DAAM2: variants seen among roughly 807,000 people sequenced by gnomAD.
DAAM2 encodes dishevelled associated activator of morphogenesis 2, also known as disheveled-associated activator of morphogenesis 2.
Under a neutral mutation model 120.7 loss-of-function variants are expected in DAAM2, and 39 were observed. The ratio of observed to expected loss-of-function variants is 0.32; its 90% confidence interval spans 0.25 to 0.42. The LOEUF is 0.42. Among genes scored for constraint, DAAM2 ranks in the 10% least tolerant of loss-of-function variants. DAAM2 has a pLI of 1.00. For synonymous variants in DAAM2, 488 were observed against 524.9 expected, an observed-to-expected ratio of 0.93 and a Z score of 0.96; for missense variants, 1,283 against 1,401.7, an observed-to-expected ratio of 0.92 and a Z score of 1.35.
intron 1 of DAAM2, among the ~76,000 whole-genome samples, chr6:39,816,278 A>G (rs1418678152): frequency 6.6e-6 from 1 of 152,118 alleles, no homozygotes; most frequent in African/African-American, 2.4e-5. Flanking sequence ...CAATGTATTT[A>G]TTTTTGCAAT....
intron 2 of DAAM2, among the ~76,000 whole-genome samples, chr6:39,858,834 A>C (rs144526982): frequency 5.5e-4 from 84 of 152,136 alleles, no homozygotes; most frequent in African/African-American, 1.8e-3. Flanking sequence ...GTGAGGGAGG[A>C]TGGTGCCCTG....
chr6:39,805,087 G>A (rs1761970987), intron 1 of DAAM2, among the ~76,000 whole-genome samples: 1 of 152,172 alleles, frequency 6.6e-6, no homozygotes, highest in Non-Finnish European at 1.5e-5. Context: ...TCCAAGATAA[G>A]GATGCAAAGG....
chr6:39,867,807 C>A lies in DAAM2; in HGVS notation c.726C>A (p.His242Gln), dbSNP rs1764492621. ...AGAAGGTGCTGCAGGCCATGCTGCA[C>A]TACCAGGTGTATGCAGCAGAGCGAA... ...GHKKVLQAML[H>Q]YQVYAAERTR... Residue 242 changes from histidine to glutamine, a missense_variant, in exon 6 of 25, where the codon CAC becomes CAA. Physicochemically the swap from His to Gln is conservative, Grantham distance 24. Transcript: ENST00000274867. 1 of 1,609,892 alleles carries A rather than the reference C, an allele frequency of 6.2e-7. No homozygotes were observed. The highest frequency in any genetic ancestry group is 1.3e-5 in the African/African-American group (1 of 74,870).
At chr6:39,886,385 A>C in intron 15 of DAAM2, 1 of 399,346 alleles carries the variant, frequency 2.5e-6, no homozygotes. Flanking sequence ...AATGTTGTGC[A>C]TGTTTAATTC....
At chr6:39,805,145 C>T (rs1761972955) in intron 1 of DAAM2, among the ~76,000 whole-genome samples, 1 of 152,172 alleles carries the variant, frequency 6.6e-6, no homozygotes, top group Non-Finnish European at 1.5e-5. Flanking sequence ...ACCAGAACAA[C>T]AGCAAGAAGC....
chr6:39,847,075 C>A (rs1299018738), intron 1 of DAAM2, among the ~76,000 whole-genome samples: 3 of 152,172 alleles, frequency 2.0e-5, no homozygotes, highest in Non-Finnish European at 2.9e-5. Flanking sequence ...GGTAGAAAGG[C>A]AGGAAGGTCA....
intron 1 of DAAM2, among the ~76,000 whole-genome samples, chr6:39,809,859 T>G (rs1284326992): frequency 6.6e-6 from 1 of 152,182 alleles, no homozygotes; most frequent in East Asian, 1.9e-4. Context: ...TTATTTTTCT[T>G]ACACAACCAG....
chr6:39,886,428 T>C (rs765520418), intron 15 of DAAM2: 1 of 399,422 alleles, frequency 2.5e-6, no homozygotes, highest in Non-Finnish European at 4.4e-6. Context: ...TAGGAGCTGA[T>C]AACTAATCCT....
intron 1 of DAAM2, among the ~76,000 whole-genome samples, chr6:39,855,522 A>C (rs1436148575): frequency 1.3e-5 from 2 of 152,196 alleles, no homozygotes; most frequent in South Asian, 2.1e-4. Flanking sequence ...TCCAATGATC[A>C]GTCCTATTTC....
At chr6:39,846,566 C>T (rs1474259629) in intron 1 of DAAM2, among the ~76,000 whole-genome samples, 2 of 152,162 alleles carry the variant, frequency 1.3e-5, no homozygotes, top group African/African-American at 4.8e-5. Flanking sequence ...TCATTCTACT[C>T]TACGACGCCT....
chr6:39,867,466 G>GC (rs1764477452), intron 5 of DAAM2, 44 bp from the exon 6 acceptor site: 1 of 1,588,650 alleles, frequency 6.3e-7, no homozygotes, highest in Non-Finnish European at 8.6e-7. Flanking sequence ...AGTGTACACA[G>GC]AATCATATGC....
intron 7 of DAAM2, among the ~76,000 whole-genome samples, chr6:39,869,753 CTTTTTTTTTTTTT>C (rs531295826): frequency 1.1e-3 from 112 of 102,020 alleles, no homozygotes; most frequent in African/African-American, 3.7e-3. Flanking sequence ...CGCCAGCATA[CTTTTTTTTTTTTT>C]TTTTTTTTTT....
chr6:39,866,424 G>A (rs901493175), intron 5 of DAAM2, among the ~76,000 whole-genome samples: 15 of 152,244 alleles, frequency 9.9e-5, no homozygotes, highest in Non-Finnish European at 1.6e-4. Context: ...TTTTCTAGGC[G>A]TATTTGTACA....
rs571470489 is a variant in DAAM2 at position 39,798,971 on chromosome 6, C to T, written c.-57+6506C>T. On this transcript the variant is annotated intron_variant, in intron 1 of 24. Coordinates refer to ENST00000274867, the MANE Select transcript of DAAM2 (RefSeq NM_001201427.2). ...AAGTCAAATTGCATTGTAGAATCGA[C>T]GCCTGGAAGCCAAACCATATCAACT... is the stretch of plus-strand genomic sequence containing the variant. Among the ~76,000 whole-genome samples the T allele has an allele frequency of 4.0e-4, 61 of 152,228 alleles. 1 individual carries two copies. Among genetic ancestry groups the T allele is most frequent in the Non-Finnish European group, 7.8e-4 (53 of 68,016 alleles).
chr6:39,811,772 C>T (rs544665118), intron 1 of DAAM2, among the ~76,000 whole-genome samples: 21 of 152,142 alleles, frequency 1.4e-4, no homozygotes, highest in East Asian at 3.9e-4. Context: ...GGGATGTTGG[C>T]GGGGGGATCT....
chr6:39,850,065 G>A (rs1281789644), intron 1 of DAAM2, among the ~76,000 whole-genome samples: 2 of 151,950 alleles, frequency 1.3e-5, no homozygotes, highest in Non-Finnish European at 2.9e-5. Context: ...GTGGGGAGAG[G>A]AGGGCAAAGG....
chr6:39,867,586 T>C lies in DAAM2; in HGVS notation c.505T>C (p.Cys169Arg). ...CCTCCGGAGCATGGACCACGCCACC[T>C]GTGAGAGCCGCATCCACACCTCACT... ...NFLRSMDHAT[C>R]ESRIHTSLIG... Residue 169 changes from cysteine (C) to arginine (R), a missense_variant, in exon 6 of 25, where the codon TGT (cysteine) becomes CGT (arginine). By Grantham distance (180) the Cys-to-Arg change is radical (BLOSUM62 -3). Coordinates refer to ENST00000274867, the MANE Select transcript of DAAM2 (RefSeq NM_001201427.2). 1 of 1,614,024 alleles carries C rather than the reference T, an allele frequency of 6.2e-7. No homozygotes were observed. The highest frequency in any genetic ancestry group is 8.5e-7 in the Non-Finnish European group (1 of 1,179,892).
chr6:39,894,064 A>G (rs536325205), intron 19 of DAAM2, among the ~76,000 whole-genome samples: 10 of 152,284 alleles, frequency 6.6e-5, no homozygotes, highest in African/African-American at 2.2e-4. Flanking sequence ...AATATACCAC[A>G]TTTACCGATT....
intron 1 of DAAM2, chr6:39,819,250 GT>G (rs1223979781): frequency 6.6e-6 from 1 of 152,288 alleles, no homozygotes; most frequent in African/African-American, 2.4e-5. Context: ...AGGGAGGCCT[GT>G]GGAAGGCAGG....
Sources: allele counts gnomAD v4.1 joint callset (sites outside exome capture counted in the v4.1 genomes callset), GRCh38; gene constraint gnomAD v4.1.1; transcripts MANE v1.5; gene names NCBI Gene and HGNC (gene_info 2026-07-23, HGNC 2026-07-21).